The following SPOP variants were observed in gnomAD, a reference collection of about 807,000 sequenced individuals.
SPOP encodes speckle-type POZ protein.
In SPOP, 11 loss-of-function variants were observed where a neutral mutation model predicts 45.6. That is an observed-to-expected ratio of 0.24 (90% CI 0.15 to 0.40). The LOEUF (loss-of-function observed/expected upper bound fraction) is 0.40. Ranked by LOEUF, SPOP falls within the 10% of genes least tolerant of loss-of-function variation. The pLI, the probability that SPOP is intolerant of heterozygous loss-of-function variation, is 1.00. For synonymous variants in SPOP, 166 were observed against 166.3 expected, an observed-to-expected ratio of 1.00 and a Z score of 0.01; for missense variants, 152 against 465.6, an observed-to-expected ratio of 0.33 and a Z score of 6.20.
At position 49,600,533 on chromosome 17, in the gene SPOP, TG is replaced by T; in HGVS notation, c.981-12del. On this transcript the variant is annotated splice_polypyrimidine_tract_variant and intron_variant, in intron 9 of 9. Coordinates refer to ENST00000504102, the MANE Select transcript of SPOP (RefSeq NM_001007228.2). This position sits in a 1 kb window ranked among gnomAD's most constrained non-coding sequence, Gnocchi z 4.2. ...ACATCCGAAGCATGACTAGGAGAAA[TG>T]TGGAGAAATGGGTTACCAAAGGGAG... 1.9e-6 allele frequency: 3 copies of T among 1,613,902 alleles called. No individual in the cohort carries two copies. Among genetic ancestry groups the T allele is most frequent in the Non-Finnish European group, 2.5e-6 (3 of 1,179,956 alleles).
intron 1 of SPOP, among the ~76,000 whole-genome samples, chr17:49,644,455 A>G (rs1423995895): frequency 7.2e-5 from 11 of 152,338 alleles, no homozygotes; most frequent in Admixed American, 4.6e-4. Flanking sequence ...AAACAAAAGA[A>G]GAGGAGAAGG....
At chr17:49,629,329 CT>C (rs1325356500) in intron 1 of SPOP, among the ~76,000 whole-genome samples, 1 of 151,780 alleles carries the variant, frequency 6.6e-6, no homozygotes, top group Admixed American at 6.6e-5. Context: ...TTTCACATAT[CT>C]CTAAAACAGC....
chr17:49,639,815 G>A (rs1390165060), intron 1 of SPOP, among the ~76,000 whole-genome samples: 1 of 152,118 alleles, frequency 6.6e-6, no homozygotes, highest in Non-Finnish European at 1.5e-5. Flanking sequence ...GATCTAGAAG[G>A]GAGACGCAGC....
At chr17:49,675,649 C>T (rs562341644) in intron 1 of SPOP, among the ~76,000 whole-genome samples, 6 of 152,216 alleles carry the variant, frequency 3.9e-5, no homozygotes, top group Admixed American at 2.0e-4. Context: ...TAACAATATT[C>T]GTCTTAATCT....
intron 1 of SPOP, among the ~76,000 whole-genome samples, chr17:49,630,029 T>C (rs2072420736): frequency 6.6e-6 from 1 of 152,204 alleles, no homozygotes; most frequent in South Asian, 2.1e-4. Flanking sequence ...GAGAATGGTC[T>C]GTTAGGGACT....
intron 1 of SPOP, among the ~76,000 whole-genome samples, chr17:49,664,583 T>C (rs1479155455): frequency 1.3e-5 from 2 of 152,128 alleles, no homozygotes; most frequent in Non-Finnish European, 1.5e-5. Flanking sequence ...TTTTTAACAG[T>C]GTAAAAACTC....
rs2071754098 is a variant in SPOP, at chr17:49,602,271, G to A, written c.838-264C>T. ...ACCTATTAGAAAAATGGCAATTACA[G>A]GGTAGATCTGCATCCTGAAGTTTAC... On this transcript the variant is annotated intron_variant, in intron 8 of 9. Transcript: ENST00000504102. 22 of 333,748 alleles carry A rather than the reference G, an allele frequency of 6.6e-5. No homozygotes were observed. In the South Asian group the frequency reaches 1.0e-3, roughly 16 times the overall value. The allele number at this position is 333,748 out of a possible 1,614,324, so 20.7% of individuals were successfully genotyped here.
chr17:49,627,235 C>T (rs1454381864), intron 1 of SPOP, among the ~76,000 whole-genome samples: 1 of 152,186 alleles, frequency 6.6e-6, no homozygotes, highest in African/African-American at 2.4e-5. Flanking sequence ...CTAAGCACTG[C>T]AGTGGCATTT....
Position 49,599,503 on chromosome 17 carries a change from T to TGG in SPOP, c.*874_*875insCC. 3 of 166,052 alleles carry TGG rather than the reference T, an allele frequency of 1.8e-5. No homozygotes were observed. The highest frequency in any genetic ancestry group is 3.5e-5 in the Non-Finnish European group (3 of 84,524). 10.3% of individuals were successfully genotyped at this position (166,052 alleles called of 1,614,324 possible). A position where few individuals can be genotyped will look rare whatever the true frequency, so the allele number is the denominator to read the frequency against. On this transcript the variant is annotated 3_prime_UTR_variant, in exon 10 of 10. Coordinates refer to ENST00000504102, the MANE Select transcript of SPOP (RefSeq NM_001007228.2). ...CTTCTTTTGTTCTGTTTTTGTTTTG[T>TGG]GTGTTTTTTTTTTTGTTTGTTTTTT...
At position 49,619,299 on chromosome 17, in the gene SPOP, C is replaced by T. The variant is rs2072164963; in HGVS notation, c.287G>A (p.Ser96Asn). The T allele has an allele frequency of 1.9e-6, 3 of 1,614,168 alleles. No individual in the cohort carries two copies. The highest frequency in any genetic ancestry group is 2.5e-6 in the Non-Finnish European group (3 of 1,180,036). The stretch of plus-strand genomic sequence containing the variant: ...GAATTTGAATTTTGCCCGAACTTCA[C>T]TCTTTGGACAGCTGACCAGTAACAG... ...LYLLLVSCPKSEVRAKFKFSI... is the reference protein window; with the variant it reads ...LYLLLVSCPKNEVRAKFKFSI... The change falls in exon 4 of 10, where the codon AGT becomes AAT. Residue 96 changes from serine (S) to asparagine (N), a missense_variant. Ser to Asn is a conservative substitution (Grantham distance 46). Transcript: ENST00000504102. This position sits in a 1 kb window ranked among gnomAD's most constrained non-coding sequence, Gnocchi z 4.9.
intron 5 of SPOP, among the ~76,000 whole-genome samples, chr17:49,614,802 A>AGAGTGTGT (rs1265603732): frequency 6.8e-6 from 1 of 147,072 alleles, no homozygotes; most frequent in African/African-American, 2.5e-5. Context: ...CATGCTATGA[A>AGAGTGTGT]GTGTGTGTGT....
At chr17:49,658,949 C>T (rs1177401011) in intron 1 of SPOP, among the ~76,000 whole-genome samples, 1 of 152,194 alleles carries the variant, frequency 6.6e-6, no homozygotes, top group East Asian at 1.9e-4. Flanking sequence ...TTTTTCTCAG[C>T]CCTCTTATCC....
intron 1 of SPOP, among the ~76,000 whole-genome samples, chr17:49,668,524 T>C (rs2073092166): frequency 6.6e-6 from 1 of 152,048 alleles, no homozygotes; most frequent in Non-Finnish European, 1.5e-5. Flanking sequence ...GCAAGATAGG[T>C]GTTACCTCTA....
intron 6 of SPOP, among the ~76,000 whole-genome samples, chr17:49,611,027 C>A (rs1234681385): frequency 1.3e-5 from 2 of 152,074 alleles, no homozygotes; most frequent in Admixed American, 1.3e-4. Context: ...GCATTCAATA[C>A]CTTTGTACAT....
chr17:49,660,025 C>A (rs545180628), intron 1 of SPOP, among the ~76,000 whole-genome samples: 65 of 152,342 alleles, frequency 4.3e-4, no homozygotes, highest in African/African-American at 1.1e-3. Context: ...TCTCTTCTGC[C>A]ACTAAGTCCC....
At chr17:49,624,622 C>A (rs971722354) in intron 1 of SPOP, among the ~76,000 whole-genome samples, 1 of 152,076 alleles carries the variant, frequency 6.6e-6, no homozygotes, top group African/African-American at 2.4e-5. Flanking sequence ...GCGTGCACCA[C>A]CATACCACCT....
intron 8 of SPOP, among the ~76,000 whole-genome samples, chr17:49,606,416 C>T (rs1171591023): frequency 2.0e-5 from 3 of 151,458 alleles, no homozygotes; most frequent in African/African-American, 7.3e-5. Context: ...TTGGCCTCCC[C>T]AAGTGCTGGG....
intron 5 of SPOP, among the ~76,000 whole-genome samples, chr17:49,615,894 T>C (rs899232332): frequency 6.6e-6 from 1 of 151,784 alleles, no homozygotes; most frequent in African/African-American, 2.4e-5. Context: ...TTCTCTCCCC[T>C]TGTAACATGA....
chr17:49,675,312 A>G (rs143307042), intron 1 of SPOP, among the ~76,000 whole-genome samples: 1 of 152,398 alleles, frequency 6.6e-6, no homozygotes, highest in Non-Finnish European at 1.5e-5. Flanking sequence ...GACTGTATTT[A>G]CTACATGGAA....
Sources: gnomAD v4.1 joint callset for allele counts (sites outside exome capture counted in the v4.1 genomes callset) on GRCh38, gnomAD v4.1.1 for gene constraint, Gnocchi (gnomAD v3.1) non-coding constraint, MANE v1.5 for transcripts, NCBI Gene and HGNC (gene_info 2026-07-23, HGNC 2026-07-21) for gene names.